The following SEMA3C variants were observed in gnomAD, a reference collection of about 807,000 sequenced individuals.
SEMA3C encodes semaphorin 3C, also known as semaphorin-3C.
Under a neutral mutation model 89.4 loss-of-function variants are expected in SEMA3C, and 47 were observed. The ratio of observed to expected loss-of-function variants is 0.53; its 90% CI spans 0.42 to 0.67. SEMA3C has a LOEUF of 0.67. Among genes scored for constraint, SEMA3C ranks in the 30% least tolerant of loss-of-function variants. SEMA3C has a pLI of 0.00. For missense variants in SEMA3C, 839 were observed against 929.1 expected (o/e 0.90, Z 1.26); for synonymous variants, 310 against 320.2 (o/e 0.97, Z 0.34).
chr7:80,868,845 A>G (rs967465956), intron 2 of SEMA3C, among the ~76,000 whole-genome samples: 3 of 152,156 alleles, frequency 2.0e-5, no homozygotes, highest in Non-Finnish European at 2.9e-5. Context: ...TGGGGCAAAC[A>G]ACCAAAAACA....
chr7:80,896,124 A>T (rs949394776), intron 2 of SEMA3C, among the ~76,000 whole-genome samples: 1 of 152,106 alleles, frequency 6.6e-6, no homozygotes, highest in African/African-American at 2.4e-5. Context: ...TTCATATTAC[A>T]ATATGAATTT....
intron 2 of SEMA3C, among the ~76,000 whole-genome samples, chr7:80,852,485 C>T (rs1007232953): frequency 2.6e-5 from 4 of 152,066 alleles, no homozygotes; most frequent in African/African-American, 4.8e-5. Flanking sequence ...ACGGGATCAT[C>T]TCAAGTTTAA....
At position 80,810,635 on chromosome 7, in the gene SEMA3C, C is replaced by A. The variant is rs529243342; in HGVS notation, c.514G>T (p.Val172Leu). ...CTGATCATAACAGACACCGTGTTCACGTTGGGGTTGAAAGAGCAGCGTCCT... is the reference window on the plus strand; with the variant it reads ...CTGATCATAACAGACACCGTGTTCAAGTTGGGGTTGAAAGAGCAGCGTCCT... Reference protein sequence around the residue: ...GKGRCSFNPNVNTVSVMINEE... With the variant: ...GKGRCSFNPNLNTVSVMINEE... The change falls in exon 6 of 18, where the codon GTG becomes TTG. Residue 172 changes from valine (V) to leucine (L), a missense_variant. Coordinates refer to ENST00000265361, the MANE Select transcript of SEMA3C (RefSeq NM_006379.5). The A allele has an allele frequency of 6.2e-7, 1 of 1,613,726 alleles. No homozygotes were observed. The highest frequency in any genetic ancestry group is 1.1e-5 in the South Asian group (1 of 91,070).
intron 2 of SEMA3C, among the ~76,000 whole-genome samples, chr7:80,864,246 A>G (rs1790873434): frequency 6.6e-6 from 1 of 151,674 alleles, no homozygotes. Context: ...CTTGGGGGGA[A>G]GAGTGAGAGC....
chr7:80,785,555 T>C (rs978714485), intron 12 of SEMA3C, among the ~76,000 whole-genome samples: 7 of 152,188 alleles, frequency 4.6e-5, no homozygotes, highest in Non-Finnish European at 8.8e-5. Context: ...CCTGGGACAA[T>C]GACCTGTGAT....
At chr7:80,904,351 T>C (rs1791956612) in intron 2 of SEMA3C, among the ~76,000 whole-genome samples, 2 of 152,170 alleles carry the variant, frequency 1.3e-5, no homozygotes, top group African/African-American at 4.8e-5. Context: ...TAAATACCTT[T>C]TCATGTTGTT....
intron 2 of SEMA3C, among the ~76,000 whole-genome samples, chr7:80,846,300 A>G (rs1790388557): frequency 6.6e-6 from 1 of 152,140 alleles, no homozygotes; most frequent in Non-Finnish European, 1.5e-5. Context: ...CATGCTTCTC[A>G]GCCATATTCA....
intron 2 of SEMA3C, among the ~76,000 whole-genome samples, chr7:80,845,648 A>G (rs1476489773): frequency 6.6e-6 from 1 of 152,072 alleles, no homozygotes; most frequent in Admixed American, 6.6e-5. Context: ...ACACATATCA[A>G]TTCTAGTCAT....
chr7:80,855,001 GA>G (rs1790604987), intron 2 of SEMA3C, among the ~76,000 whole-genome samples: 1 of 152,024 alleles, frequency 6.6e-6, no homozygotes, highest in Admixed American at 6.6e-5. Context: ...ATGCTCTTTG[GA>G]TTTCCCTTGT....
intron 4 of SEMA3C, 108 bp from the exon 5 acceptor site, chr7:80,818,526 T>C: frequency 7.7e-7 from 1 of 1,304,676 alleles, no homozygotes; most frequent in Non-Finnish European, 1.1e-6. Flanking sequence ...TGAGGTGACA[T>C]AAACTTTTGA....
rs191057582 is a variant in SEMA3C, at chr7:80,756,041, C to G, written c.1643+2290G>C. Reference sequence around the variant, plus strand: ...CTTCCTATCTCATGCCATTAAGACTCTCAAGTGATCCAGCCCAGGCCACTC... The same window carrying G: ...CTTCCTATCTCATGCCATTAAGACTGTCAAGTGATCCAGCCCAGGCCACTC... On this transcript the variant is annotated intron_variant, in intron 15 of 17. Coordinates refer to ENST00000265361, the MANE Select transcript of SEMA3C (RefSeq NM_006379.5). 3.0e-4 allele frequency among the ~76,000 whole-genome samples: 46 copies of G among 152,246 alleles called. No individual in the cohort carries two copies. In the East Asian group the frequency reaches 7.7e-3, roughly 26 times the overall value.
intron 2 of SEMA3C, among the ~76,000 whole-genome samples, chr7:80,853,426 C>T (rs532818122): frequency 2.0e-5 from 3 of 152,276 alleles, no homozygotes; most frequent in African/African-American, 7.2e-5. Flanking sequence ...CAATGGAGAA[C>T]TATTCAGCCA....
chr7:80,855,099 C>T (rs148959947), intron 2 of SEMA3C, among the ~76,000 whole-genome samples: 151 of 152,124 alleles, frequency 9.9e-4, no homozygotes, highest in Non-Finnish European at 2.0e-3. Flanking sequence ...TCCATGATTA[C>T]GGATCATCTC....
At chr7:80,904,109 C>T (rs986627064) in intron 2 of SEMA3C, among the ~76,000 whole-genome samples, 3 of 152,140 alleles carry the variant, frequency 2.0e-5, no homozygotes, top group Non-Finnish European at 2.9e-5. Context: ...AGCAAGATCT[C>T]GGCTCACTGC....
chr7:80,780,150 T>A (rs1425241175), intron 12 of SEMA3C, among the ~76,000 whole-genome samples: 1 of 152,236 alleles, frequency 6.6e-6, no homozygotes, highest in Non-Finnish European at 1.5e-5. Context: ...TAACTTGTTA[T>A]ACAGCAATAG....
intron 2 of SEMA3C, among the ~76,000 whole-genome samples, chr7:80,830,069 T>C (rs1789975609): frequency 6.6e-6 from 1 of 152,162 alleles, no homozygotes; most frequent in South Asian, 2.1e-4. Flanking sequence ...ATAGCCCATA[T>C]GAGAAGATAC....
Position 80,832,866 on chromosome 7 carries a change from T to C in SEMA3C, c.104-4121A>G, listed in dbSNP as rs151293954. Among the ~76,000 whole-genome samples the C allele has an allele frequency of 7.2e-5, 11 of 152,304 alleles. No individual in the cohort carries two copies. In the East Asian group the frequency reaches 2.1e-3, roughly 29 times the overall value. On this transcript the variant is annotated intron_variant, in intron 2 of 17. Transcript: ENST00000265361. ...TTTTAGGCACCTTGAATTGAGGTTT[T>C]CTTTTTCTGCTGTAGAAATAAATAC...
In SEMA3C at chr7:80,836,744, T is replaced by C. The variant is rs574143370; in HGVS notation, c.104-7999A>G. Among the ~76,000 whole-genome samples the C allele has an allele frequency of 1.3e-3, 201 of 152,172 alleles. 1 individual carries two copies. Among genetic ancestry groups the C allele is most frequent in the African/African-American group, 4.3e-3 (177 of 41,548 alleles). On this transcript the variant is annotated intron_variant, in intron 2 of 17. Coordinates refer to ENST00000265361, the MANE Select transcript of SEMA3C (RefSeq NM_006379.5). ...GACAGACAGCAGTGAACACAGAATG[T>C]ATCTCCCACGCATTGCATCAGAGGG...
At chr7:80,922,347 T>C, upstream of SEMA3C, 5 of 1,218,160 alleles carry the variant, frequency 4.1e-6, no homozygotes, top group Non-Finnish European at 5.4e-6. Flanking sequence ...TCCTTTTAAG[T>C]TTCCTGAACT....
Sources: allele counts gnomAD v4.1 joint callset (sites outside exome capture counted in the v4.1 genomes callset), GRCh38; gene constraint gnomAD v4.1.1; transcripts MANE v1.5; gene names NCBI Gene and HGNC (gene_info 2026-07-23, HGNC 2026-07-21).